NCOA5: variants seen among roughly 807,000 people sequenced by gnomAD.
The protein encoded by NCOA5 is nuclear receptor coactivator 5.
Under a neutral mutation model 59.0 loss-of-function variants are expected in NCOA5, and 12 were observed. That is an observed-to-expected ratio of 0.20 (90% confidence interval 0.13 to 0.33). The LOEUF (loss-of-function observed/expected upper bound fraction) is 0.33. Ranked by LOEUF, NCOA5 falls within the 10% of genes least tolerant of loss-of-function variation. NCOA5 has a pLI of 1.00. For synonymous variants in NCOA5, 270 were observed against 275.5 expected (o/e 0.98, Z 0.20); for missense variants, 655 against 766.6 (o/e 0.85, Z 1.72).
Position 46,062,867 on chromosome 20 carries a change from G to A in NCOA5, c.1173C>T (p.Leu391=), listed in dbSNP as rs149422855. The A allele has an allele frequency of 1.3e-4, 190 of 1,518,652 alleles. No homozygotes were observed. The highest frequency in any genetic ancestry group is 1.6e-4 in the Non-Finnish European group (179 of 1,134,670). The allele number at this position is 1,518,652 out of a possible 1,614,324, so 94.1% of individuals were successfully genotyped here. A position where few individuals can be genotyped will look rare whatever the true frequency, so the allele number is the denominator to read the frequency against. The change falls in exon 8 of 8, where the codon CTC becomes CTT. Residue 391 remains leucine (L), a synonymous_variant. Transcript: ENST00000290231. ...TCAGCGAGGCACCCGAGGTCGCCCC[G>A]AGTGGTTGGCGGGAAATCGGGCCTG... ...SLPGPISRQP[L]GATSGASLKT...
intron 2 of NCOA5, among the ~76,000 whole-genome samples, chr20:46,078,182 A>T (rs1172171895): frequency 6.6e-6 from 1 of 152,146 alleles, no homozygotes; most frequent in Non-Finnish European, 1.5e-5. Flanking sequence ...CAGCAGCATT[A>T]CTTGCCCTTA....
At position 46,062,707 on chromosome 20, in the gene NCOA5, T is replaced by C; in HGVS notation, c.1333A>G (p.Thr445Ala). ...ILSLFNSGTV[T>A]ANSSSASPSV... ...GGGGATGCAGAGCTGCTATTGGCCG[T>C]CACTGTGCCACTATTGAAGAGGCTG... Residue 445 changes from threonine (T) to alanine (A), a missense_variant, in exon 8 of 8, where the codon ACG (threonine) becomes GCG (alanine). Thr to Ala is a moderately conservative substitution (Grantham distance 58). Around this residue, in one of 3 missense-constraint regions of NCOA5, gnomAD observed 325 missense variants for 353.2 expected, o/e 0.92. Transcript: ENST00000290231. The C allele has an allele frequency of 1.2e-6, 2 of 1,614,012 alleles. No individual in the cohort carries two copies. Among genetic ancestry groups the C allele is most frequent in the Non-Finnish European group, 1.7e-6 (2 of 1,179,912 alleles).
intron 2 of NCOA5, 88 bp downstream of exon 2, chr20:46,079,299 G>A (rs1390344693): frequency 2.4e-6 from 3 of 1,268,940 alleles, no homozygotes; most frequent in Non-Finnish European, 3.5e-6. Flanking sequence ...TTGTTGGGGG[G>A]AAGAAAAGAC....
chr20:46,085,825 T>G (rs1343435363), intron 1 of NCOA5, among the ~76,000 whole-genome samples: 4 of 151,944 alleles, frequency 2.6e-5, no homozygotes, highest in African/African-American at 9.7e-5. Context: ...TACCACAGAG[T>G]CTCAATGAAG....
intron 1 of NCOA5, among the ~76,000 whole-genome samples, chr20:46,085,679 C>T (rs765873128): frequency 6.6e-6 from 1 of 152,022 alleles, no homozygotes; most frequent in Non-Finnish European, 1.5e-5. Flanking sequence ...GTGTTGGGAA[C>T]ACGGGGATAG....
intron 2 of NCOA5, among the ~76,000 whole-genome samples, chr20:46,073,961 A>G (rs919852770): frequency 3.9e-5 from 6 of 152,204 alleles, no homozygotes; most frequent in Non-Finnish European, 7.3e-5. Context: ...TTCCCTCTCA[A>G]GTGCCTTCAG....
At chr20:46,072,648 C>T (rs17463884) in intron 2 of NCOA5, among the ~76,000 whole-genome samples, 23,817 of 152,188 alleles carry the variant, frequency 0.16, 2,022 homozygotes, top group South Asian at 0.26. Flanking sequence ...GCCTAGCCAA[C>T]GTCTTTCCTG....
At chr20:46,085,817 CCA>C (rs371028060) in intron 1 of NCOA5, among the ~76,000 whole-genome samples, 233 of 152,178 alleles carry the variant, frequency 1.5e-3, no homozygotes, top group African/African-American at 5.5e-3. Context: ...AACTGAACTA[CCA>C]CAGAGTCTCA....
chr20:46,086,380 A>C (rs1041255958), intron 1 of NCOA5, among the ~76,000 whole-genome samples: 1 of 152,204 alleles, frequency 6.6e-6, no homozygotes, highest in African/African-American at 2.4e-5. Context: ...TGAAAGGATA[A>C]AGAATGAAGA....
At chr20:46,080,476 GGT>G (rs2084981036) in intron 1 of NCOA5, among the ~76,000 whole-genome samples, 1 of 151,952 alleles carries the variant, frequency 6.6e-6, no homozygotes, top group South Asian at 2.1e-4. Context: ...GACATCAAAT[GGT>G]ATTAAGTACT....
chr20:46,083,480 T>C (rs555385667), intron 1 of NCOA5, among the ~76,000 whole-genome samples: 2 of 152,332 alleles, frequency 1.3e-5, no homozygotes, highest in East Asian at 1.9e-4. Flanking sequence ...GAATGAGGTG[T>C]TGCCCTATTC....
At chr20:46,073,894 G>A (rs958171489) in intron 2 of NCOA5, among the ~76,000 whole-genome samples, 1 of 152,154 alleles carries the variant, frequency 6.6e-6, no homozygotes, top group Admixed American at 6.5e-5. Flanking sequence ...GTCTGAGAGG[G>A]CAAGCCCCAC....
At chr20:46,066,983 G>C (rs1392305357) in intron 5 of NCOA5, 72 bp downstream of exon 5, 6 of 1,534,856 alleles carry the variant, frequency 3.9e-6, no homozygotes, top group South Asian at 2.4e-5. Context: ...TCAGTGGATA[G>C]AGGTGCTAAA....
intron 1 of NCOA5, among the ~76,000 whole-genome samples, chr20:46,087,788 A>G (rs2145558684): frequency 6.6e-6 from 1 of 152,306 alleles, no homozygotes; most frequent in East Asian, 1.9e-4. Context: ...GTTTTTTCTT[A>G]GCTCTCAAGC....
chr20:46,069,715 A>G (rs2084861638), intron 3 of NCOA5, among the ~76,000 whole-genome samples: 1 of 151,680 alleles, frequency 6.6e-6, no homozygotes, highest in Non-Finnish European at 1.5e-5. Flanking sequence ...TGGGAAACAG[A>G]ATGACACCTT....
At chr20:46,072,442 C>G (rs1011361048) in intron 2 of NCOA5, among the ~76,000 whole-genome samples, 2 of 152,206 alleles carry the variant, frequency 1.3e-5, no homozygotes, top group Non-Finnish European at 2.9e-5. Context: ...TCAAGTGATC[C>G]TCCTGCCTCA....
chr20:46,075,198 A>C (rs1191585953), intron 2 of NCOA5, among the ~76,000 whole-genome samples: 3 of 152,244 alleles, frequency 2.0e-5, no homozygotes, highest in African/African-American at 4.8e-5. Context: ...TCACAGACCC[A>C]AATTTTACAC....
chr20:46,077,931 T>C (rs1433167745), intron 2 of NCOA5, among the ~76,000 whole-genome samples: 2 of 152,182 alleles, frequency 1.3e-5, no homozygotes, highest in African/African-American at 4.8e-5. Context: ...GCAGGATTTG[T>C]TTATGTTCTT....
At chr20:46,070,135 G>A in intron 3 of NCOA5, 75 bp downstream of exon 3, 2 of 1,189,828 alleles carry the variant, frequency 1.7e-6, no homozygotes, top group Non-Finnish European at 2.4e-6. Context: ...TGCTCTTACA[G>A]AGCTTTCAAT....
Sources: allele counts gnomAD v4.1 joint callset (sites outside exome capture counted in the v4.1 genomes callset), GRCh38; gene constraint gnomAD v4.1.1; regional missense constraint gnomAD v4.1.1; transcripts MANE v1.5; gene names NCBI Gene and HGNC (gene_info 2026-07-23, HGNC 2026-07-21).